Variants in HNRNPLL observed in about 807,000 individuals in gnomAD.
HNRNPLL encodes heterogeneous nuclear ribonucleoprotein L-like.
HNRNPLL carries 25 observed loss-of-function variants against 67.1 expected under a neutral mutation model. The ratio of observed to expected loss-of-function variants is 0.37; its 90% confidence interval spans 0.27 to 0.52. HNRNPLL has a LOEUF of 0.52. Ranked by LOEUF, HNRNPLL falls within the 20% of genes least tolerant of loss-of-function variation. The pLI is 0.90. For synonymous variants in HNRNPLL, 267 were observed against 241.7 expected, an observed-to-expected ratio of 1.10 and a Z score of -0.97; for missense variants, 542 against 673.9, an observed-to-expected ratio of 0.80 and a Z score of 2.17.
intron 8 of HNRNPLL, 43 bp from the exon 9 acceptor site, chr2:38,569,968 T>C: frequency 6.9e-7 from 1 of 1,452,168 alleles, no homozygotes; most frequent in Non-Finnish European, 9.4e-7. Context: ...TTAATTCCCT[T>C]TTACAGTAAA....
chr2:38,602,407 C>T, intron 1 of HNRNPLL, 31 bp downstream of exon 1: 1 of 1,547,794 alleles, frequency 6.5e-7, no homozygotes, highest in South Asian at 1.2e-5. Context: ...AGCAGCCAGG[C>T]ACAGCGGACA....
rs139965550 is a variant in HNRNPLL at position 38,601,375 on chromosome 2, A to G, written c.189+1063T>C. ...GCGTCTTATTTTTAAAAGGTAAGGTAAAAACCCTTTTAACCTAATAGTAGG... is the reference window on the plus strand; with the variant it reads ...GCGTCTTATTTTTAAAAGGTAAGGTGAAAACCCTTTTAACCTAATAGTAGG... On this transcript the variant is annotated intron_variant, in intron 1 of 12. Coordinates refer to ENST00000449105, the MANE Select transcript of HNRNPLL (RefSeq NM_138394.4). Among the ~76,000 whole-genome samples the G allele has an allele frequency of 1.6e-3, 247 of 152,346 alleles. 4 individuals are homozygous for G. The East Asian group carries it at 0.038, about 23-fold the overall frequency.
chr2:38,568,191 T>A lies in HNRNPLL; in HGVS notation c.1573+8A>T, dbSNP rs1231177146. 6.4e-7 allele frequency: 1 copy of A among 1,572,686 alleles called. No individual in the cohort carries two copies. Among genetic ancestry groups the A allele is most frequent in the Non-Finnish European group, 8.7e-7 (1 of 1,146,356 alleles). On this transcript the variant is annotated splice_region_variant and intron_variant, in intron 12 of 12. Transcript: ENST00000449105. ...ATAATTACAACACAAATAAAGCATT[T>A]TACTTACTCGGCACTCTTATCTGAT... is the stretch of plus-strand genomic sequence containing the variant.
rs531174101 is a variant in HNRNPLL at position 38,581,808 on chromosome 2, G to T, written c.802+105C>A. ...TTGCAACAAAAGCATTCATCAACAA[G>T]GTTTTCATTTGAATTAACTAGCTCA... On this transcript the variant is annotated intron_variant, in intron 6 of 12. Transcript: ENST00000449105. The T allele has an allele frequency of 2.0e-4, 153 of 765,862 alleles. 2 individuals carry two copies. In the South Asian group the frequency reaches 2.3e-3, roughly 11 times the overall value. The allele number at this position is 765,862 out of a possible 1,614,324, so 47.4% of individuals were successfully genotyped here.
At chr2:38,575,660 TTAAC>T (rs1666271759) in intron 7 of HNRNPLL, among the ~76,000 whole-genome samples, 1 of 151,702 alleles carries the variant, frequency 6.6e-6, no homozygotes, top group African/African-American at 2.4e-5. Context: ...TGAACCATAA[TTAAC>T]TCTTTCTATT....
chr2:38,567,413 G>C (rs992092117), intron 12 of HNRNPLL, among the ~76,000 whole-genome samples: 4 of 152,108 alleles, frequency 2.6e-5, no homozygotes, highest in African/African-American at 9.7e-5. Flanking sequence ...ACAGTGCCTA[G>C]CCAAGTTTTA....
At chr2:38,594,493 T>C (rs1667095439) in intron 1 of HNRNPLL, among the ~76,000 whole-genome samples, 3 of 152,056 alleles carry the variant, frequency 2.0e-5, no homozygotes, top group South Asian at 4.1e-4. Flanking sequence ...TATATAAATA[T>C]AGATATGCAG....
chr2:38,573,400 G>C lies in HNRNPLL; in HGVS notation c.902C>G (p.Pro301Arg), dbSNP rs1481434300. ...TCGAGAGCCCATTCTGTAACGACTT[G>C]GTAAAGGCAATAATGGACCATGGGA... is the stretch of plus-strand genomic sequence containing the variant. ...YGSHGPLLPLPSRYRMGSRDT... is the reference protein window; with the variant it reads ...YGSHGPLLPLRSRYRMGSRDT... Residue 301 changes from proline to arginine, a missense_variant, in exon 8 of 13, where the codon CCA becomes CGA. Around this residue, in one of 2 missense-constraint regions of HNRNPLL, gnomAD observed 415 missense variants for 575.2 expected, o/e 0.72. Transcript: ENST00000449105. 6.2e-7 allele frequency: 1 copy of C among 1,607,000 alleles called. No individual in the cohort carries two copies. The highest frequency in any genetic ancestry group is 8.5e-7 in the Non-Finnish European group (1 of 1,176,722).
intron 1 of HNRNPLL, among the ~76,000 whole-genome samples, chr2:38,592,019 T>A (rs1477176935): frequency 3.9e-5 from 6 of 152,174 alleles, no homozygotes; most frequent in Admixed American, 3.3e-4. Flanking sequence ...ATTGCATCTT[T>A]CAGTAAATTC....
chr2:38,588,821 T>C (rs767121857), intron 2 of HNRNPLL, among the ~76,000 whole-genome samples: 8 of 151,982 alleles, frequency 5.3e-5, no homozygotes, highest in Non-Finnish European at 7.4e-5. Flanking sequence ...AGTGGGAAGA[T>C]TGCTTGAGCC....
intron 8 of HNRNPLL, among the ~76,000 whole-genome samples, chr2:38,571,181 C>T (rs1053183224): frequency 1.3e-5 from 2 of 152,088 alleles, no homozygotes; most frequent in Admixed American, 1.3e-4. Flanking sequence ...TTTTCCTGTA[C>T]ATACATACCT....
chr2:38,592,155 TTCTA>T (rs1666985342), intron 1 of HNRNPLL, among the ~76,000 whole-genome samples: 1 of 152,210 alleles, frequency 6.6e-6, no homozygotes, highest in South Asian at 2.1e-4. Context: ...AAAGGGAGCA[TTCTA>T]TCTCAGTAAG....
At chr2:38,568,501 T>A (rs1418179952) in intron 10 of HNRNPLL, 58 bp from the exon 11 acceptor site, 2 of 1,131,028 alleles carry the variant, frequency 1.8e-6, no homozygotes, top group African/African-American at 3.1e-5. Flanking sequence ...CCCACTTTTT[T>A]ACAGAAAGTA....
At chr2:38,564,275 C>A in intron 12 of HNRNPLL, 38 bp from the exon 13 acceptor site, 1 of 1,135,490 alleles carries the variant, frequency 8.8e-7, no homozygotes. Flanking sequence ...TTCACTTCAT[C>A]AAACTTTCAA....
At chr2:38,582,253 G>A (rs1366412672) in intron 4 of HNRNPLL, 85 bp from the exon 5 acceptor site, 1 of 855,846 alleles carries the variant, frequency 1.2e-6, no homozygotes. Flanking sequence ...AAAATAATCA[G>A]AAGTAGCTCT....
intron 8 of HNRNPLL, 84 bp from the exon 9 acceptor site, chr2:38,570,009 G>T: frequency 2.2e-6 from 2 of 910,526 alleles, no homozygotes; most frequent in Non-Finnish European, 3.4e-6. Flanking sequence ...CGACCTAAGT[G>T]GTTAAAGTAA....
chr2:38,577,240 C>T (rs1666333439), intron 7 of HNRNPLL, among the ~76,000 whole-genome samples: 1 of 151,840 alleles, frequency 6.6e-6, no homozygotes, highest in Admixed American at 6.6e-5. Flanking sequence ...TATTCAATCC[C>T]CAACTAGTAG....
At chr2:38,565,992 A>T in intron 12 of HNRNPLL, 1 of 952,418 alleles carries the variant, frequency 1.0e-6, no homozygotes, top group Non-Finnish European at 1.3e-6. Context: ...TTTTTAAACC[A>T]TCATTCATCA....
At chr2:38,572,387 T>C (rs1300545512) in intron 8 of HNRNPLL, among the ~76,000 whole-genome samples, 1 of 152,072 alleles carries the variant, frequency 6.6e-6, no homozygotes, top group African/African-American at 2.4e-5. Flanking sequence ...GTGACTCACA[T>C]GCTGCAAGAA....
Sources: gnomAD v4.1 joint callset for allele counts (sites outside exome capture counted in the v4.1 genomes callset) on GRCh38, gnomAD v4.1.1 for gene constraint, gnomAD v4.1.1 regional missense constraint, MANE v1.5 for transcripts, NCBI Gene and HGNC (gene_info 2026-07-23, HGNC 2026-07-21) for gene names.